Variants in DARS1 observed in about 807,000 individuals in gnomAD.
The protein encoded by DARS1 is aspartyl-tRNA synthetase 1, also known as aspartate--tRNA ligase, cytoplasmic.
DARS1 carries 51 observed loss-of-function variants against 68.8 expected under a neutral mutation model. The ratio of observed to expected loss-of-function variants is 0.74; its 90% CI spans 0.59 to 0.94. DARS1 has a LOEUF of 0.94. Ranked by LOEUF, DARS1 falls within the 40% of genes least tolerant of loss-of-function variation. The pLI, the probability that DARS1 is intolerant of heterozygous loss-of-function variation, is 0.00. For missense variants in DARS1, 607 were observed against 597.3 expected (o/e 1.02, Z -0.17); for synonymous variants, 203 against 190.4 (o/e 1.07, Z -0.55).
chr2:135,983,382 C>T lies in DARS1; in HGVS notation c.124+15G>A, dbSNP rs181377990. On this transcript the variant is annotated intron_variant, in intron 2 of 15. Transcript: ENST00000264161. ...AAAGCAAAAAAGCTTTATTTACTGT[C>T]ACATAGCTACTAACCTGGTTTTTCT... is the stretch of plus-strand genomic sequence containing the variant. 1.1e-6 allele frequency: 1 copy of T among 940,460 alleles called. No individual in the cohort carries two copies. Among genetic ancestry groups the T allele is most frequent in the Non-Finnish European group, 1.7e-6 (1 of 573,808 alleles). The allele number at this position is 940,460 out of a possible 1,614,324, so 58.3% of individuals were successfully genotyped here. A position where few individuals can be genotyped will look rare whatever the true frequency, so the allele number is the denominator to read the frequency against.
chr2:135,922,899 G>A lies in DARS1; in HGVS notation c.696C>T (p.Ala232=). 1 of 1,549,526 alleles carries A rather than the reference G, an allele frequency of 6.5e-7. No individual in the cohort carries two copies. The highest frequency in any genetic ancestry group is 8.7e-7 in the Non-Finnish European group (1 of 1,150,200). Residue 232 remains alanine (A), a synonymous_variant, in exon 9 of 16, where the codon GCC becomes GCT. Transcript: ENST00000264161. ...KIISAASEGG[A]NVFTVSYFKN... is the part of the protein sequence containing the mutation. ...TAAAATATGACACAGTAAAAACATTGGCTCCTCCTTCACTGGCAGCTGAAA... is the reference window on the plus strand; with the variant it reads ...TAAAATATGACACAGTAAAAACATTAGCTCCTCCTTCACTGGCAGCTGAAA...
intron 4 of DARS1, among the ~76,000 whole-genome samples, chr2:135,950,738 A>G (rs1681822517): frequency 6.6e-6 from 1 of 152,150 alleles, no homozygotes; most frequent in East Asian, 1.9e-4. Flanking sequence ...ATAAACCTCT[A>G]TTTTCATTAT....
chr2:135,923,906 A>C (rs549975055), intron 8 of DARS1, among the ~76,000 whole-genome samples: 64 of 151,988 alleles, frequency 4.2e-4, no homozygotes, highest in South Asian at 1.5e-3. Context: ...AATCCCAGCT[A>C]CTCGGGAGGC....
At position 135,967,132 on chromosome 2, in the gene DARS1, C is replaced by T. The variant is rs528832270; in HGVS notation, c.218-5634G>A. ...CTATGTTTTCATCTCTTCCTGCTGA[C>T]TTTTAGCTTGCTAAGCCCCCTGGAT... On this transcript the variant is annotated intron_variant, in intron 3 of 15. Transcript: ENST00000264161. Among the ~76,000 whole-genome samples the T allele has an allele frequency of 3.9e-5, 6 of 152,304 alleles. No homozygotes were observed. In the South Asian group the frequency reaches 1.2e-3, roughly 32 times the overall value.
At chr2:135,938,191 T>C (rs1310239718) in intron 5 of DARS1, among the ~76,000 whole-genome samples, 4 of 152,204 alleles carry the variant, frequency 2.6e-5, no homozygotes, top group African/African-American at 2.4e-5. Flanking sequence ...TCGTTTCTTT[T>C]TACTCTTTTT....
rs1374614740 is a variant in DARS1, at chr2:135,906,198, AC to A, written c.*1117del. On this transcript the variant is annotated 3_prime_UTR_variant, in exon 16 of 16. Coordinates refer to ENST00000264161, the MANE Select transcript of DARS1 (RefSeq NM_001349.4). ...TTCGTGGTCCAGGGGTAACTTCCTA[AC>A]TTTTTGACCCTCATATTTTTCTGCA... is the stretch of plus-strand genomic sequence containing the variant. Among the ~76,000 whole-genome samples, 1 of 152,098 alleles carries A rather than the reference AC, an allele frequency of 6.6e-6. No individual in the cohort carries two copies. The highest frequency in any genetic ancestry group is 2.4e-5 in the African/African-American group (1 of 41,412).
chr2:135,911,475 C>T lies in DARS1; in HGVS notation c.1249G>A (p.Asp417Asn), dbSNP rs779248283. 3 of 997,834 alleles carry T rather than the reference C, an allele frequency of 3.0e-6. No homozygotes were observed. Among genetic ancestry groups the T allele is most frequent in the East Asian group, 2.4e-5 (1 of 42,158 alleles). The allele number at this position is 997,834 out of a possible 1,614,324, so 61.8% of individuals were successfully genotyped here. A position where few individuals can be genotyped will look rare whatever the true frequency, so the allele number is the denominator to read the frequency against. Residue 417 changes from aspartate (D) to asparagine (N), a missense_variant, in exon 14 of 16, where the codon GAT becomes AAT. Transcript: ENST00000264161. ...PRNPKQSNSY[D>N]MFMRGEEILS... ...ATTTCTTCTCCTCTCATGAACATAT[C>T]GTAAGAGTTGGACTGTTTCTGCAAG... is the stretch of plus-strand genomic sequence containing the variant.
chr2:135,905,912 C>T lies in DARS1; in HGVS notation c.*1404G>A, dbSNP rs982151971. ...TTTACAAACTTTATTTTGAAACAAG[C>T]TATAATTACATGAAATTAAGAACAG... On this transcript the variant is annotated 3_prime_UTR_variant, in exon 16 of 16. Coordinates refer to ENST00000264161, the MANE Select transcript of DARS1 (RefSeq NM_001349.4). 3.3e-5 allele frequency among the ~76,000 whole-genome samples: 5 copies of T among 152,050 alleles called. No individual in the cohort carries two copies. Among genetic ancestry groups the T allele is most frequent in the African/African-American group, 1.2e-4 (5 of 41,388 alleles).
At chr2:135,970,252 CAAAA>C (rs1217937806) in intron 3 of DARS1, among the ~76,000 whole-genome samples, 164 of 49,242 alleles carry the variant, frequency 3.3e-3, no homozygotes, top group African/African-American at 9.5e-3. Flanking sequence ...GACCCTGTCT[CAAAA>C]AAAAAAAAAA....
At chr2:135,928,655 C>T (rs560674179) in intron 7 of DARS1, among the ~76,000 whole-genome samples, 119 of 148,074 alleles carry the variant, frequency 8.0e-4, no homozygotes, top group Non-Finnish European at 2.2e-4. Flanking sequence ...GCCAGATTTA[C>T]GCAGAATTTC....
At chr2:135,954,608 A>G (rs1302795533) in intron 4 of DARS1, among the ~76,000 whole-genome samples, 1 of 152,202 alleles carries the variant, frequency 6.6e-6, no homozygotes, top group Non-Finnish European at 1.5e-5. Context: ...AGGCATCCAA[A>G]TAAGCATAAA....
chr2:135,966,383 A>C (rs1180161646), intron 3 of DARS1, among the ~76,000 whole-genome samples: 1 of 152,230 alleles, frequency 6.6e-6, no homozygotes, highest in African/African-American at 2.4e-5. Flanking sequence ...TCACTTGAAA[A>C]GCTGGTATAT....
chr2:135,935,695 T>C (rs575602652), intron 5 of DARS1, among the ~76,000 whole-genome samples: 1 of 152,358 alleles, frequency 6.6e-6, no homozygotes, highest in African/African-American at 2.4e-5. Context: ...TCATAAAGAC[T>C]GAACTAGAGT....
In DARS1 at chr2:135,939,761, C is replaced by G. The variant is rs540956281; in HGVS notation, c.423+3617G>C. Among the ~76,000 whole-genome samples the G allele has an allele frequency of 4.6e-5, 7 of 151,828 alleles. No individual in the cohort carries two copies. In the South Asian group the frequency reaches 1.5e-3, roughly 32 times the overall value. Reference sequence around the variant, plus strand: ...ATCAACAAAACTGACAGACCGCTAGCAAGACTAATAAAGAAGAAAAGAGAG... The same window carrying G: ...ATCAACAAAACTGACAGACCGCTAGGAAGACTAATAAAGAAGAAAAGAGAG... On this transcript the variant is annotated intron_variant, in intron 5 of 15. Transcript: ENST00000264161.
intron 7 of DARS1, among the ~76,000 whole-genome samples, chr2:135,930,271 T>C (rs1381132826): frequency 6.6e-6 from 1 of 152,170 alleles, no homozygotes; most frequent in Non-Finnish European, 1.5e-5. Flanking sequence ...CAGAATTACA[T>C]AGTAGGGGCT....
Position 135,979,264 on chromosome 2 carries a change from C to A in DARS1, c.217+10G>T. 1 of 1,163,504 alleles carries A rather than the reference C, an allele frequency of 8.6e-7. No homozygotes were observed. Among genetic ancestry groups the A allele is most frequent in the South Asian group, 1.2e-5 (1 of 80,356 alleles). The allele number at this position is 1,163,504 out of a possible 1,614,324, so 72.1% of individuals were successfully genotyped here. On this transcript the variant is annotated intron_variant, in intron 3 of 15. Transcript: ENST00000264161. ...TACCGAAAGAGCTTTAATAATGAAA[C>A]CAATCCTACCTTTAGCTCTGCTTGT...
At chr2:135,916,507 G>T (rs1053084319) in intron 10 of DARS1, 135 bp from the exon 11 acceptor site, 8 of 444,952 alleles carry the variant, frequency 1.8e-5, no homozygotes, top group African/African-American at 1.6e-4. Flanking sequence ...AATTATTAAA[G>T]AATGAAATTT....
chr2:135,912,922 G>A (rs754615648), intron 12 of DARS1, among the ~76,000 whole-genome samples: 3 of 151,752 alleles, frequency 2.0e-5, no homozygotes, highest in African/African-American at 4.8e-5. Flanking sequence ...ATGGAATCTC[G>A]CTATGTTTGC....
intron 4 of DARS1, among the ~76,000 whole-genome samples, chr2:135,952,665 T>C (rs1043015059): frequency 6.6e-6 from 1 of 152,160 alleles, no homozygotes; most frequent in Non-Finnish European, 1.5e-5. Flanking sequence ...CCACTCAACA[T>C]AATGCTCTGC....
Sources: gnomAD v4.1 joint callset for allele counts (sites outside exome capture counted in the v4.1 genomes callset) on GRCh38, gnomAD v4.1.1 for gene constraint, MANE v1.5 for transcripts, NCBI Gene and HGNC (gene_info 2026-07-23, HGNC 2026-07-21) for gene names.